Variants in CDH18 observed in about 807,000 individuals in gnomAD.
The protein encoded by CDH18 is cadherin 18, also known as cadherin-18.
In CDH18, 31 loss-of-function variants were observed where a neutral mutation model predicts 67.9. The observed-to-expected ratio is 0.46, with a 90% confidence interval of 0.34 to 0.62. CDH18 has a LOEUF of 0.62. CDH18 is among the 20% of genes least tolerant of loss of function. The pLI, the probability that CDH18 is intolerant of heterozygous loss-of-function variation, is 0.01. For synonymous variants in CDH18, 362 were observed against 347.2 expected (o/e 1.04, Z -0.48); for missense variants, 890 against 975.5 (o/e 0.91, Z 1.17).
intron 1 of CDH18, among the ~76,000 whole-genome samples, chr5:20,320,510 G>A (rs1271796043): frequency 6.6e-6 from 1 of 152,200 alleles, no homozygotes; most frequent in Non-Finnish European, 1.5e-5. Context: ...TTTCTTGGCA[G>A]AGGAAAATAG....
chr5:19,487,791 C>T (rs1372360219), intron 11 of CDH18, among the ~76,000 whole-genome samples: 1 of 151,966 alleles, frequency 6.6e-6, no homozygotes, highest in Non-Finnish European at 1.5e-5. Context: ...CAGGCTTATG[C>T]CTACACTCTA....
chr5:19,836,429 C>T (rs1188199742), intron 3 of CDH18, among the ~76,000 whole-genome samples: 1 of 152,142 alleles, frequency 6.6e-6, no homozygotes, highest in Non-Finnish European at 1.5e-5. Flanking sequence ...TGATGATGTA[C>T]TTTTCTTCAT....
intron 2 of CDH18, among the ~76,000 whole-genome samples, chr5:20,236,902 T>G (rs904518505): frequency 6.6e-6 from 1 of 151,890 alleles, no homozygotes; most frequent in African/African-American, 2.4e-5. Context: ...ACAAATCAAA[T>G]ATAACAGTTT....
At chr5:19,518,469 A>G (rs930913057) in intron 10 of CDH18, among the ~76,000 whole-genome samples, 2 of 152,168 alleles carry the variant, frequency 1.3e-5, no homozygotes, top group Non-Finnish European at 2.9e-5. Context: ...CATTTGAGTC[A>G]GTGGACTAGG....
At chr5:20,306,897 A>G (rs966252332) in intron 1 of CDH18, among the ~76,000 whole-genome samples, 1 of 152,144 alleles carries the variant, frequency 6.6e-6, no homozygotes. Context: ...GGTATAATCA[A>G]ATTTGTTGAA....
At chr5:20,489,128 T>A (rs1258128625) in intron 1 of CDH18, among the ~76,000 whole-genome samples, 2 of 152,042 alleles carry the variant, frequency 1.3e-5, no homozygotes, top group Non-Finnish European at 2.9e-5. Context: ...ACCTCTATGC[T>A]TCTATATGTA....
At chr5:19,607,809 C>A (rs1748303638) in intron 6 of CDH18, among the ~76,000 whole-genome samples, 1 of 150,654 alleles carries the variant, frequency 6.6e-6, no homozygotes, top group Admixed American at 6.6e-5. Context: ...AACATTATAC[C>A]ACACAAACCA....
intron 2 of CDH18, among the ~76,000 whole-genome samples, chr5:19,865,248 C>T (rs1028257784): frequency 3.3e-5 from 5 of 152,016 alleles, no homozygotes; most frequent in African/African-American, 1.2e-4. Flanking sequence ...TAATAGATGT[C>T]AAATACCAAG....
chr5:20,009,429 CTT>C (rs1477672726), intron 2 of CDH18, among the ~76,000 whole-genome samples: 1 of 152,034 alleles, frequency 6.6e-6, no homozygotes, highest in Non-Finnish European at 1.5e-5. Flanking sequence ...TGTACTCTCT[CTT>C]TATGTCTGGA....
intron 1 of CDH18, among the ~76,000 whole-genome samples, chr5:20,275,345 C>T (rs188422260): frequency 3.1e-4 from 47 of 152,124 alleles, no homozygotes; most frequent in African/African-American, 1.1e-3. Flanking sequence ...TCTCCTGCCA[C>T]CATATGAAGA....
intron 1 of CDH18, among the ~76,000 whole-genome samples, chr5:20,524,552 G>A (rs1755930838): frequency 6.6e-6 from 1 of 151,972 alleles, no homozygotes; most frequent in African/African-American, 2.4e-5. Context: ...AGTTGTTTAA[G>A]GTTATTGTTA....
intron 2 of CDH18, among the ~76,000 whole-genome samples, chr5:20,032,887 C>G (rs1434216808): frequency 6.6e-6 from 1 of 151,970 alleles, no homozygotes; most frequent in Non-Finnish European, 1.5e-5. Flanking sequence ...AGTAGTAAAT[C>G]TGTGAAAGAT....
At position 19,996,440 on chromosome 5, in the gene CDH18, T is replaced by A. The variant is rs146301885; in HGVS notation, c.-517-4426A>T. On this transcript the variant is annotated intron_variant, in intron 2 of 14. Transcript: ENST00000507958. ...AACATCACAGTTTATAAATCTTTCC[T>A]GGGTCTTTGACTATGGCATTTGAAA... 8.1e-3 allele frequency among the ~76,000 whole-genome samples: 1,239 copies of A among 152,194 alleles called. 20 individuals carry two copies. The highest frequency in any genetic ancestry group is 0.028 in the African/African-American group (1,160 of 41,564).
chr5:19,899,022 G>C (rs994208292), intron 2 of CDH18, among the ~76,000 whole-genome samples: 11 of 152,228 alleles, frequency 7.2e-5, no homozygotes, highest in Admixed American at 6.5e-4. Context: ...CTTCAAAAAA[G>C]ACACACATAT....
intron 1 of CDH18, among the ~76,000 whole-genome samples, chr5:20,452,745 C>T (rs1168837135): frequency 6.6e-6 from 1 of 152,038 alleles, no homozygotes; most frequent in East Asian, 1.9e-4. Context: ...TGCACACGTA[C>T]CCCTAAACCT....
intron 2 of CDH18, among the ~76,000 whole-genome samples, chr5:20,131,082 T>G (rs1410035862): frequency 6.6e-6 from 1 of 152,134 alleles, no homozygotes; most frequent in Non-Finnish European, 1.5e-5. Flanking sequence ...TTACCTTATA[T>G]AAATTATTTG....
chr5:20,472,107 T>C (rs1458161398), intron 1 of CDH18, among the ~76,000 whole-genome samples: 2 of 152,044 alleles, frequency 1.3e-5, no homozygotes, highest in African/African-American at 4.8e-5. Context: ...AATAGTTTTT[T>C]CATGTAACCT....
At chr5:19,950,287 G>A (rs184012326) in intron 2 of CDH18, among the ~76,000 whole-genome samples, 14 of 152,042 alleles carry the variant, frequency 9.2e-5, no homozygotes, top group Non-Finnish European at 8.8e-5. Context: ...ACCAAACATC[G>A]TTATGTTCGC....
At chr5:19,588,404 A>G (rs1396642954) in intron 7 of CDH18, among the ~76,000 whole-genome samples, 2 of 152,108 alleles carry the variant, frequency 1.3e-5, no homozygotes, top group African/African-American at 4.8e-5. Flanking sequence ...TTCTGAAGGA[A>G]GTATTAAATA....
Sources: allele counts gnomAD v4.1 joint callset (sites outside exome capture counted in the v4.1 genomes callset), GRCh38; gene constraint gnomAD v4.1.1; transcripts MANE v1.5; gene names NCBI Gene and HGNC (gene_info 2026-07-23, HGNC 2026-07-21).